CCDC102B: variants seen among roughly 807,000 people sequenced by gnomAD.
CCDC102B encodes coiled-coil domain containing 102B.
CCDC102B carries 75 observed loss-of-function variants against 57.4 expected under a neutral mutation model. The ratio of observed to expected loss-of-function variants is 1.31; its 90% confidence interval spans 1.08 to 1.58. The LOEUF (loss-of-function observed/expected upper bound fraction) is 1.58. CCDC102B is among the 40% of genes most tolerant of loss of function. The pLI, the probability that CCDC102B is intolerant of heterozygous loss-of-function variation, is 0.00. For missense variants in CCDC102B, 636 were observed against 582.6 expected, an observed-to-expected ratio of 1.09 and a Z score of -0.94; for synonymous variants, 206 against 201.9, an observed-to-expected ratio of 1.02 and a Z score of -0.17.
intron 6 of CCDC102B, among the ~76,000 whole-genome samples, chr18:69,010,123 T>A (rs2363259): frequency 7.9e-4 from 59 of 75,078 alleles, no homozygotes; most frequent in African/African-American, 2.3e-3. Context: ...TTTTTTTTTT[T>A]AGTAGAGACG....
At chr18:68,722,980 A>G (rs1268210707) in intron 2 of CCDC102B, among the ~76,000 whole-genome samples, 1 of 148,838 alleles carries the variant, frequency 6.7e-6, no homozygotes, top group East Asian at 2.0e-4. Context: ...TTTCTCACAC[A>G]GCTGTGAAGA....
At chr18:68,917,353 C>G (rs1047117528) in intron 6 of CCDC102B, among the ~76,000 whole-genome samples, 4 of 151,962 alleles carry the variant, frequency 2.6e-5, no homozygotes, top group Non-Finnish European at 5.9e-5. Flanking sequence ...GGCTGATGAG[C>G]CTGGGGAGTA....
At chr18:68,941,682 A>T (rs1390525060) in intron 6 of CCDC102B, among the ~76,000 whole-genome samples, 4 of 152,144 alleles carry the variant, frequency 2.6e-5, no homozygotes, top group African/African-American at 9.7e-5. Flanking sequence ...TTCAGTAGCG[A>T]GGATATATAT....
rs114924893 is a variant in CCDC102B at position 68,784,667 on chromosome 18, A to G, written c.-66-38699A>G. ...ATCCTTGTAATATTAGAAAAGTAATAATTTTCTACATATATACATTTTTAA... is the reference window on the plus strand; with the variant it reads ...ATCCTTGTAATATTAGAAAAGTAATGATTTTCTACATATATACATTTTTAA... On this transcript the variant is annotated intron_variant, in intron 2 of 3. Transcript: ENST00000578970. Among the ~76,000 whole-genome samples, 1,011 of 152,294 alleles carry G rather than the reference A, an allele frequency of 6.6e-3. 11 individuals are homozygous for G. The highest frequency in any genetic ancestry group is 0.022 in the African/African-American group (905 of 41,552).
intron 6 of CCDC102B, among the ~76,000 whole-genome samples, chr18:68,905,902 T>C (rs918781061): frequency 8.2e-5 from 12 of 146,466 alleles, no homozygotes; most frequent in African/African-American, 2.7e-4. Context: ...CACGCCGTTC[T>C]CCTGCCTCAG....
chr18:68,828,322 C>CAAAAAAAAAAAAAAAAA (rs58180806), intron 1 of CCDC102B, among the ~76,000 whole-genome samples: 1 of 80,802 alleles, frequency 1.2e-5, no homozygotes, highest in Non-Finnish European at 2.3e-5. Flanking sequence ...ACCCTATTTA[C>CAAAAAAAAAAAAAAAAA]AAAAAAAAAA....
chr18:69,009,924 ATTTTTT>A (rs770668683), intron 6 of CCDC102B, among the ~76,000 whole-genome samples: 20 of 33,530 alleles, frequency 6.0e-4, no homozygotes, highest in Admixed American at 5.9e-3. Context: ...TTTAATAAAG[ATTTTTT>A]TTTTTTTTTT....
chr18:68,790,819 G>T (rs544870806), intron 2 of CCDC102B, among the ~76,000 whole-genome samples: 3 of 152,202 alleles, frequency 2.0e-5, no homozygotes, highest in South Asian at 2.1e-4. Flanking sequence ...GCTGTAGACC[G>T]GAGCTGTTCC....
chr18:68,936,429 A>G (rs1329352975), intron 6 of CCDC102B, among the ~76,000 whole-genome samples: 3 of 151,972 alleles, frequency 2.0e-5, no homozygotes, highest in African/African-American at 4.8e-5. Flanking sequence ...TTCATCTTCC[A>G]GTAAAGGCAG....
At chr18:68,752,786 G>A (rs936053855) in intron 2 of CCDC102B, among the ~76,000 whole-genome samples, 2 of 152,064 alleles carry the variant, frequency 1.3e-5, no homozygotes, top group South Asian at 2.1e-4. Context: ...AGATACTGCT[G>A]TAAACAATCT....
chr18:69,003,414 C>T (rs1426829022), intron 6 of CCDC102B, among the ~76,000 whole-genome samples: 2 of 152,168 alleles, frequency 1.3e-5, no homozygotes, highest in East Asian at 3.9e-4. Context: ...GGAGAAACAA[C>T]GTTTATCTTT....
Position 68,836,806 on chromosome 18 carries a change from A to C in CCDC102B, c.43A>C (p.Ile15Leu). 6.2e-7 allele frequency: 1 copy of C among 1,613,890 alleles called. No homozygotes were observed. Among genetic ancestry groups the C allele is most frequent in the Non-Finnish European group, 8.5e-7 (1 of 1,179,866 alleles). The change falls in exon 2 of 8, where the codon ATC becomes CTC. Residue 15 changes from isoleucine to leucine, a missense_variant. Physicochemically the swap from Ile to Leu is conservative, Grantham distance 5. Transcript: ENST00000360242. ...SIHRLIEETQ[I>L]FQMQQSSIKS... ...ACATCGATTAATTGAGGAAACACAG[A>C]TCTTCCAGATGCAACAATCATCAAT...
intron 7 of CCDC102B, among the ~76,000 whole-genome samples, chr18:69,045,786 T>C (rs2052547316): frequency 6.6e-6 from 1 of 152,096 alleles, no homozygotes; most frequent in South Asian, 2.1e-4. Context: ...GGTCCCAGTG[T>C]CTGTTGTTCT....
At chr18:68,898,156 C>T (rs927979797) in intron 6 of CCDC102B, among the ~76,000 whole-genome samples, 1 of 151,778 alleles carries the variant, frequency 6.6e-6, no homozygotes, top group African/African-American at 2.4e-5. Context: ...ATTATATTTA[C>T]CTTGTTTCTA....
chr18:68,827,478 A>T (rs562143202), intron 1 of CCDC102B, among the ~76,000 whole-genome samples: 6 of 151,890 alleles, frequency 4.0e-5, no homozygotes, highest in Non-Finnish European at 7.4e-5. Flanking sequence ...AATAAGTATG[A>T]AAACTGTACA....
At chr18:68,996,340 G>A (rs1455568927) in intron 6 of CCDC102B, among the ~76,000 whole-genome samples, 3 of 152,112 alleles carry the variant, frequency 2.0e-5, no homozygotes, top group Non-Finnish European at 4.4e-5. Flanking sequence ...GGTTTGCCAG[G>A]GACTCTTGGG....
At chr18:68,970,206 T>C (rs1438450305) in intron 6 of CCDC102B, among the ~76,000 whole-genome samples, 1 of 152,056 alleles carries the variant, frequency 6.6e-6, no homozygotes, top group Non-Finnish European at 1.5e-5. Context: ...TAGTAATAAA[T>C]CTTTAAAGCA....
At chr18:69,017,563 T>A (rs2051704959) in intron 7 of CCDC102B, among the ~76,000 whole-genome samples, 1 of 152,228 alleles carries the variant, frequency 6.6e-6, no homozygotes, top group Non-Finnish European at 1.5e-5. Flanking sequence ...ATTTAATGTG[T>A]ATAATGTGAT....
At chr18:68,858,395 G>A (rs1308591682) in intron 4 of CCDC102B, among the ~76,000 whole-genome samples, 3 of 152,036 alleles carry the variant, frequency 2.0e-5, no homozygotes, top group Non-Finnish European at 4.4e-5. Context: ...TCTTATGCTT[G>A]GAGTTTGTTG....
Sources: allele counts gnomAD v4.1 joint callset (sites outside exome capture counted in the v4.1 genomes callset), GRCh38; gene constraint gnomAD v4.1.1; transcripts MANE v1.5; gene names NCBI Gene and HGNC (gene_info 2026-07-23, HGNC 2026-07-21).